The following ZNF827 variants were observed in gnomAD, a reference collection of about 807,000 sequenced individuals.
ZNF827 encodes the protein zinc finger protein 827.
A neutral mutation model predicts 102.4 loss-of-function variants in ZNF827; 13 were observed. The observed-to-expected ratio is 0.13, with a 90% CI of 0.08 to 0.20. The LOEUF (loss-of-function observed/expected upper bound fraction) is 0.20, where lower values mean the gene tolerates loss of function less well. Ranked by LOEUF, ZNF827 falls within the 10% of genes least tolerant of loss-of-function variation. The pLI is 1.00. For synonymous variants in ZNF827, 523 were observed against 536.2 expected (o/e 0.98, Z 0.34); for missense variants, 1,103 against 1,344.4 (o/e 0.82, Z 2.81).
chr4:145,873,355 C>A (rs1748875053), intron 4 of ZNF827, among the ~76,000 whole-genome samples: 1 of 152,176 alleles, frequency 6.6e-6, no homozygotes, highest in African/African-American at 2.4e-5. Context: ...TTAGTGGCAT[C>A]CAATGGCGTT....
At position 145,760,917 on chromosome 4, in the gene ZNF827, C is replaced by A; in HGVS notation, c.*699G>T. The A allele has an allele frequency of 8.1e-7, 1 of 1,233,904 alleles. No individual in the cohort carries two copies. Among genetic ancestry groups the A allele is most frequent in the Non-Finnish European group, 1.0e-6 (1 of 963,246 alleles). 76.4% of individuals were successfully genotyped at this position (1,233,904 alleles called of 1,614,324 possible). A position where few individuals can be genotyped will look rare whatever the true frequency, so the allele number is the denominator to read the frequency against. Reference sequence around the variant, plus strand: ...AGTGGTTCTTGGGGTATAACATTGTCAAGGGAATGAGATGGGCAAAATCTG... The same window carrying A: ...AGTGGTTCTTGGGGTATAACATTGTAAAGGGAATGAGATGGGCAAAATCTG... On this transcript the variant is annotated 3_prime_UTR_variant, in exon 15 of 15. Coordinates refer to ENST00000508784, the MANE Select transcript of ZNF827 (RefSeq NM_001306215.2).
At chr4:145,779,129 C>T (rs1213154210) in intron 9 of ZNF827, among the ~76,000 whole-genome samples, 1 of 152,150 alleles carries the variant, frequency 6.6e-6, no homozygotes, top group African/African-American at 2.4e-5. Context: ...AGGAATTTTA[C>T]CTGAATAAAC....
chr4:145,835,784 A>G (rs978856743), intron 7 of ZNF827, among the ~76,000 whole-genome samples: 21 of 138,040 alleles, frequency 1.5e-4, no homozygotes, highest in African/African-American at 4.6e-4. Flanking sequence ...GTTATCACTC[A>G]CCTGCTACAG....
chr4:145,883,766 C>T (rs1749879713), intron 4 of ZNF827, among the ~76,000 whole-genome samples: 1 of 152,076 alleles, frequency 6.6e-6, no homozygotes, highest in Non-Finnish European at 1.5e-5. Flanking sequence ...AGGAAATGTC[C>T]CCCTTTCTAA....
chr4:145,927,803 A>T (rs2126983947), intron 1 of ZNF827, among the ~76,000 whole-genome samples: 1 of 152,356 alleles, frequency 6.6e-6, no homozygotes, highest in Non-Finnish European at 1.5e-5. Flanking sequence ...TGGGAGAAGC[A>T]GCCCTTCCCT....
rs532233741 is a variant in ZNF827, at chr4:145,760,007, A to G, written c.*1609T>C. 2.0e-5 allele frequency: 3 copies of G among 152,368 alleles called. No homozygotes were observed. In the East Asian group the frequency reaches 5.8e-4, roughly 29 times the overall value. The allele number at this position is 152,368 out of a possible 1,614,324, so 9.4% of individuals were successfully genotyped here. A position where few individuals can be genotyped will look rare whatever the true frequency, so the allele number is the denominator to read the frequency against. On this transcript the variant is annotated 3_prime_UTR_variant, in exon 15 of 15. Coordinates refer to ENST00000508784, the MANE Select transcript of ZNF827 (RefSeq NM_001306215.2). ...AAACACACTTAAGTTCTGTGATGTT[A>G]GCTGCAGTGCTGCGAGATATTTCTT...
At chr4:145,893,218 T>G (rs1216426430) in intron 2 of ZNF827, among the ~76,000 whole-genome samples, 1 of 152,202 alleles carries the variant, frequency 6.6e-6, no homozygotes, top group Non-Finnish European at 1.5e-5. Flanking sequence ...AAAGCTAAGG[T>G]CGCTCTCAAA....
At chr4:145,874,862 G>A (rs1749018872) in intron 4 of ZNF827, among the ~76,000 whole-genome samples, 3 of 152,150 alleles carry the variant, frequency 2.0e-5, no homozygotes, top group African/African-American at 7.2e-5. Flanking sequence ...TCCCAGCATC[G>A]TAGGACCTGG....
Position 145,902,652 on chromosome 4 carries a change from T to C in ZNF827, c.607A>G (p.Thr203Ala), listed in dbSNP as rs752938567. 4.3e-6 allele frequency: 7 copies of C among 1,613,880 alleles called. No individual in the cohort carries two copies. Among genetic ancestry groups the C allele is most frequent in the Non-Finnish European group, 4.2e-6 (5 of 1,180,032 alleles). The part of the protein sequence containing the change: ...QGKWLPNSTT[T>A]CSLSPDSAIL... Reference sequence around the variant, plus strand: ...GCTGAATCCGGAGACAAGCTGCAGGTGGTGGTTGAGTTTGGCAACCACTTA... The same window carrying C: ...GCTGAATCCGGAGACAAGCTGCAGGCGGTGGTTGAGTTTGGCAACCACTTA... Residue 203 changes from threonine to alanine, a missense_variant, in exon 2 of 15, where the codon ACC becomes GCC. Transcript: ENST00000508784. The surrounding 1 kb of genome is among the most constrained non-coding windows in gnomAD (Gnocchi z 4.3).
In ZNF827 at chr4:145,761,849, T is replaced by TA. The variant is rs1196228884; in HGVS notation, c.*18-252dup. On this transcript the variant is annotated intron_variant, in intron 14 of 14. Coordinates refer to ENST00000508784, the MANE Select transcript of ZNF827 (RefSeq NM_001306215.2). The surrounding 1 kb of genome is among the most constrained non-coding windows in gnomAD (Gnocchi z 6.8). ...AGCCTATTCTGGGTCTCTTGGCCGATACAGGCAAGGCCAGCCCTCACCAAG... is the reference window on the plus strand; with the variant it reads ...AGCCTATTCTGGGTCTCTTGGCCGATAACAGGCAAGGCCAGCCCTCACCAAG... Among the ~76,000 whole-genome samples the TA allele has an allele frequency of 6.6e-6, 1 of 152,174 alleles. No homozygotes were observed. The highest frequency in any genetic ancestry group is 1.5e-5 in the Non-Finnish European group (1 of 68,028).
At chr4:145,824,794 G>T (rs542329960) in intron 7 of ZNF827, among the ~76,000 whole-genome samples, 2 of 152,228 alleles carry the variant, frequency 1.3e-5, no homozygotes, top group Non-Finnish European at 2.9e-5. Flanking sequence ...CCCAGGACTA[G>T]CGCTGCTTTG....
At chr4:145,907,009 G>C (rs543623405) in intron 1 of ZNF827, 1 of 453,700 alleles carries the variant, frequency 2.2e-6, no homozygotes, top group East Asian at 7.0e-5. Flanking sequence ...CATAGAAAGA[G>C]AAAGAGCAGA....
At chr4:145,769,715 C>A (rs80087793) in intron 11 of ZNF827, among the ~76,000 whole-genome samples, 85 of 152,278 alleles carry the variant, frequency 5.6e-4, no homozygotes, top group African/African-American at 2.0e-3. Flanking sequence ...CCCAAGTGGT[C>A]ATTTACCTTC....
At chr4:145,861,286 C>A (rs1747705470) in intron 5 of ZNF827, among the ~76,000 whole-genome samples, 1 of 152,112 alleles carries the variant, frequency 6.6e-6, no homozygotes, top group Non-Finnish European at 1.5e-5. Flanking sequence ...TTAAGCTCTC[C>A]CTCACAAGAC....
chr4:145,856,560 C>T (rs553782835), intron 5 of ZNF827, among the ~76,000 whole-genome samples: 91 of 152,236 alleles, frequency 6.0e-4, no homozygotes, highest in Non-Finnish European at 6.5e-4. Flanking sequence ...AAAGAGGGGA[C>T]TCTTTCTTCA....
chr4:145,895,301 C>T (rs1395569441), intron 2 of ZNF827, among the ~76,000 whole-genome samples: 4 of 152,212 alleles, frequency 2.6e-5, no homozygotes, highest in Non-Finnish European at 5.9e-5. Flanking sequence ...TGAGACCCCT[C>T]AGTCTTCACC....
At chr4:145,920,550 G>C (rs570195157) in intron 1 of ZNF827, among the ~76,000 whole-genome samples, 4 of 152,324 alleles carry the variant, frequency 2.6e-5, no homozygotes, top group Admixed American at 1.3e-4. Flanking sequence ...ACATTCACGC[G>C]AATGTCCAGG....
At chr4:145,827,783 T>C (rs975914347) in intron 7 of ZNF827, among the ~76,000 whole-genome samples, 1 of 152,216 alleles carries the variant, frequency 6.6e-6, no homozygotes, top group African/African-American at 2.4e-5. Context: ...ATAACACTGG[T>C]TATCCTTAAC....
At chr4:145,854,459 G>C (rs1412094763) in intron 5 of ZNF827, among the ~76,000 whole-genome samples, 1 of 152,088 alleles carries the variant, frequency 6.6e-6, no homozygotes, top group African/African-American at 2.4e-5. Flanking sequence ...AGTCCCACCT[G>C]GTGTGGTGGC....
Sources: gnomAD v4.1 joint callset for allele counts (sites outside exome capture counted in the v4.1 genomes callset) on GRCh38, gnomAD v4.1.1 for gene constraint, Gnocchi (gnomAD v3.1) non-coding constraint, MANE v1.5 for transcripts, NCBI Gene and HGNC (gene_info 2026-07-23, HGNC 2026-07-21) for gene names.